Variants in TRIM2 observed in about 807,000 individuals in gnomAD.
The protein encoded by TRIM2 is tripartite motif-containing protein 2.
Under a neutral mutation model 75.2 loss-of-function variants are expected in TRIM2, and 20 were observed. That is an observed-to-expected ratio of 0.27 (90% CI 0.19 to 0.39). The LOEUF is 0.39. Among genes scored for constraint, TRIM2 ranks in the 10% least tolerant of loss-of-function variants. The probability of loss-of-function intolerance (pLI) is 1.00; values close to 1 mark genes in which losing one functional copy is unlikely to be tolerated. For missense variants in TRIM2, 660 were observed against 990.8 expected (o/e 0.67, Z 4.48); for synonymous variants, 373 against 388.3 (o/e 0.96, Z 0.46).
chr4:153,249,272 C>G (rs959365011), intron 1 of TRIM2, among the ~76,000 whole-genome samples: 14 of 152,256 alleles, frequency 9.2e-5, no homozygotes, highest in African/African-American at 3.1e-4. Context: ...TTCTTTTCTT[C>G]CGCCTGAGCG....
chr4:153,270,831 C>T (rs1756496756), intron 2 of TRIM2, among the ~76,000 whole-genome samples: 2 of 152,154 alleles, frequency 1.3e-5, no homozygotes, highest in Admixed American at 1.3e-4. Context: ...TTGTCCACAG[C>T]AGATCCCTAC....
chr4:153,158,277 G>T (rs1729423953), intron 1 of TRIM2, among the ~76,000 whole-genome samples: 1 of 152,160 alleles, frequency 6.6e-6, no homozygotes, highest in African/African-American at 2.4e-5. Flanking sequence ...ATTCATCCCT[G>T]TCCTGATCAA....
At chr4:153,207,065 A>T (rs972511566) in intron 1 of TRIM2, among the ~76,000 whole-genome samples, 8 of 152,054 alleles carry the variant, frequency 5.3e-5, no homozygotes, top group African/African-American at 1.4e-4. Flanking sequence ...AATTGCAAGG[A>T]TTTTAAGAAC....
At chr4:153,277,399 C>T (rs1446168379) in intron 3 of TRIM2, among the ~76,000 whole-genome samples, 2 of 152,310 alleles carry the variant, frequency 1.3e-5, no homozygotes, top group East Asian at 3.9e-4. Flanking sequence ...CTGGTGCTCA[C>T]TGTGGTCTGC....
chr4:153,158,128 C>T lies in TRIM2; in HGVS notation c.-49+4858C>T, dbSNP rs764261147. Among the ~76,000 whole-genome samples the T allele has an allele frequency of 6.6e-5, 10 of 152,164 alleles. No homozygotes were observed. The South Asian group carries it at 1.0e-3, about 16-fold the overall frequency. On this transcript the variant is annotated intron_variant, in intron 1 of 11. Transcript: ENST00000437508. Reference sequence around the variant, plus strand: ...TCTTTTTGACAAATTGACTACTTAACGGAAGATCTACTTAAGTGTGTCCAG... The same window carrying T: ...TCTTTTTGACAAATTGACTACTTAATGGAAGATCTACTTAAGTGTGTCCAG...
chr4:153,275,427 T>C (rs1757795522), intron 2 of TRIM2, among the ~76,000 whole-genome samples: 1 of 152,238 alleles, frequency 6.6e-6, no homozygotes, highest in Admixed American at 6.5e-5. Context: ...ATTTTATTGC[T>C]AACAAAAATA....
intron 1 of TRIM2, among the ~76,000 whole-genome samples, chr4:153,163,574 T>C (rs990127380): frequency 1.6e-4 from 22 of 137,138 alleles, no homozygotes; most frequent in African/African-American, 5.8e-4. Flanking sequence ...TGATCTCAGC[T>C]CACTGCAACC....
chr4:153,192,797 C>T (rs773694542), intron 1 of TRIM2, among the ~76,000 whole-genome samples: 4 of 152,076 alleles, frequency 2.6e-5, no homozygotes, highest in Non-Finnish European at 4.4e-5. Flanking sequence ...TTTTCCCAGA[C>T]AGCCCATGGC....
rs934207990 is a variant in TRIM2 at position 153,153,267 on chromosome 4, A to G, written c.-52A>G. 3 of 152,394 alleles carry G rather than the reference A, an allele frequency of 2.0e-5. No homozygotes were observed. The East Asian group carries it at 5.8e-4, about 30-fold the overall frequency. 9.4% of individuals were successfully genotyped at this position (152,394 alleles called of 1,614,324 possible). A position where few individuals can be genotyped will look rare whatever the true frequency, so the allele number is the denominator to read the frequency against. ...AGTGCGCGCTTCGGGACGCAATTGG[A>G]AACGTGAGTATCTGTGTCCCCCGCG... On this transcript the variant is annotated 5_prime_UTR_variant, in exon 1 of 12. Coordinates refer to the TRIM2 transcript ENST00000437508.
intron 1 of TRIM2, among the ~76,000 whole-genome samples, chr4:153,246,831 C>T (rs1749295903): frequency 6.6e-6 from 1 of 152,192 alleles, no homozygotes; most frequent in East Asian, 1.9e-4. Context: ...TGCACACATT[C>T]CATCTGCTGC....
chr4:153,301,842 T>C (rs1763990612), intron 6 of TRIM2, among the ~76,000 whole-genome samples: 1 of 152,248 alleles, frequency 6.6e-6, no homozygotes, highest in Non-Finnish European at 1.5e-5. Context: ...ACCAGTGGTC[T>C]ATGTTTTTAA....
intron 1 of TRIM2, among the ~76,000 whole-genome samples, chr4:153,186,783 G>A (rs1225399117): frequency 1.3e-5 from 2 of 152,124 alleles, no homozygotes; most frequent in Non-Finnish European, 2.9e-5. Flanking sequence ...AAAAAAGCCT[G>A]CTCCTCTAGA....
chr4:153,223,891 T>C (rs1013708799), intron 1 of TRIM2, among the ~76,000 whole-genome samples: 1 of 152,188 alleles, frequency 6.6e-6, no homozygotes, highest in Non-Finnish European at 1.5e-5. Flanking sequence ...CCTTAGGGTG[T>C]GAGGGGTTGT....
At chr4:153,319,968 T>C (rs1050438828) in intron 8 of TRIM2, among the ~76,000 whole-genome samples, 1 of 152,196 alleles carries the variant, frequency 6.6e-6, no homozygotes, top group East Asian at 1.9e-4. Context: ...TTTTCTCTTT[T>C]TATTCTAGAT....
At chr4:153,241,996 T>C (rs536977134) in intron 1 of TRIM2, among the ~76,000 whole-genome samples, 11 of 152,212 alleles carry the variant, frequency 7.2e-5, no homozygotes, top group Non-Finnish European at 1.5e-4. Flanking sequence ...CATGTGTTAA[T>C]AGCTAATTAA....
intron 1 of TRIM2, among the ~76,000 whole-genome samples, chr4:153,195,844 C>G (rs1316689759): frequency 2.0e-5 from 3 of 152,100 alleles, no homozygotes; most frequent in Admixed American, 6.5e-5. Context: ...TGGATTCTTG[C>G]TTTGTCGCCC....
rs930929604 is a variant in TRIM2 at position 153,324,296 on chromosome 4, A to C, written c.2022+148A>C. 7.0e-6 allele frequency: 4 copies of C among 571,284 alleles called. No individual in the cohort carries two copies. In the African/African-American group the frequency reaches 7.9e-5, roughly 11 times the overall value. 35.4% of individuals were successfully genotyped at this position (571,284 alleles called of 1,614,324 possible). On this transcript the variant is annotated intron_variant, in intron 10 of 11. Coordinates refer to ENST00000338700, the MANE Select transcript of TRIM2 (RefSeq NM_015271.5). Reference sequence around the variant, plus strand: ...GTTCTGCTCAAAGATGCCGGTTTTAACTTGGACTTACAGACCTTGGAAAGT... The same window carrying C: ...GTTCTGCTCAAAGATGCCGGTTTTACCTTGGACTTACAGACCTTGGAAAGT...
chr4:153,213,585 T>TG (rs1737666180), intron 1 of TRIM2, among the ~76,000 whole-genome samples: 1 of 152,210 alleles, frequency 6.6e-6, no homozygotes, highest in South Asian at 2.1e-4. Context: ...TGGAGTGCAG[T>TG]GGCACGATTT....
At chr4:153,169,041 T>G (rs1228805527) in intron 1 of TRIM2, among the ~76,000 whole-genome samples, 2 of 152,134 alleles carry the variant, frequency 1.3e-5, no homozygotes, top group Non-Finnish European at 1.5e-5. Context: ...ATTGTACCAC[T>G]GCACTCCCAC....
Sources: allele counts gnomAD v4.1 joint callset (sites outside exome capture counted in the v4.1 genomes callset), GRCh38; gene constraint gnomAD v4.1.1; transcripts MANE v1.5; gene names NCBI Gene and HGNC (gene_info 2026-07-23, HGNC 2026-07-21).